Variants in USP32 observed in about 807,000 individuals in gnomAD.
The protein encoded by USP32 is ubiquitin specific peptidase 32, also known as ubiquitin carboxyl-terminal hydrolase 32.
In USP32, 59 loss-of-function variants were observed where a neutral mutation model predicts 204.8. That is an observed-to-expected ratio of 0.29 (90% CI 0.23 to 0.36). The LOEUF (loss-of-function observed/expected upper bound fraction) is 0.36. Ranked by LOEUF, USP32 falls within the 10% of genes least tolerant of loss-of-function variation. The probability of loss-of-function intolerance (pLI) is 1.00; values close to 1 mark genes in which losing one functional copy is unlikely to be tolerated. For missense variants in USP32, 1,160 were observed against 1,946.4 expected, an observed-to-expected ratio of 0.60 and a Z score of 7.60; for synonymous variants, 517 against 678.4, an observed-to-expected ratio of 0.76 and a Z score of 3.70.
At chr17:60,385,075 G>C (rs1322993151) in intron 1 of USP32, among the ~76,000 whole-genome samples, 1 of 152,166 alleles carries the variant, frequency 6.6e-6, no homozygotes, top group South Asian at 2.1e-4. Flanking sequence ...AAGTGAAAAT[G>C]GCAGGTTCCT....
Position 60,177,340 on chromosome 17 carries a change from A to C in USP32, c.*1915T>G, listed in dbSNP as rs1176817099. Among the ~76,000 whole-genome samples, 1 of 152,252 alleles carries C rather than the reference A, an allele frequency of 6.6e-6. No individual in the cohort carries two copies. The highest frequency in any genetic ancestry group is 1.5e-5 in the Non-Finnish European group (1 of 68,042). The stretch of plus-strand genomic sequence containing the variant: ...ATACAGTTCATATTTCGGTACATCA[A>C]CACTATTTTATTTACACTCTATTTA... On this transcript the variant is annotated 3_prime_UTR_variant, in exon 34 of 34. Transcript: ENST00000300896.
chr17:60,370,417 C>T (rs1021530230), intron 1 of USP32, among the ~76,000 whole-genome samples: 1 of 151,914 alleles, frequency 6.6e-6, no homozygotes, highest in Non-Finnish European at 1.5e-5. Flanking sequence ...AATGATAATA[C>T]CAAATGCTGA....
chr17:60,408,787 G>A (rs531034632), intron 1 of USP32, among the ~76,000 whole-genome samples: 3 of 152,276 alleles, frequency 2.0e-5, no homozygotes, highest in East Asian at 3.9e-4. Context: ...AGCATGCAAC[G>A]ATAGGGGGAA....
intron 26 of USP32, among the ~76,000 whole-genome samples, chr17:60,204,035 T>G (rs1197999427): frequency 6.6e-6 from 1 of 152,176 alleles, no homozygotes; most frequent in Non-Finnish European, 1.5e-5. Context: ...TCTTTAACAA[T>G]TATCCACTGA....
At chr17:60,203,396 CAAAAAAAAAA>C (rs554691150) in intron 26 of USP32, among the ~76,000 whole-genome samples, 7 of 24,402 alleles carry the variant, frequency 2.9e-4, no homozygotes, top group African/African-American at 9.5e-4. Flanking sequence ...GCGAGACTGT[CAAAAAAAAAA>C]AAAAAAAAAA....
intron 1 of USP32, among the ~76,000 whole-genome samples, chr17:60,411,295 G>A (rs1453377135): frequency 6.6e-6 from 1 of 151,220 alleles, no homozygotes; most frequent in African/African-American, 2.4e-5. Flanking sequence ...TTGCACTCCA[G>A]CCTGGGCAAT....
At chr17:60,421,940 G>T (rs907935411) in intron 1 of USP32, 1 of 985,360 alleles carries the variant, frequency 1.0e-6, no homozygotes, top group Non-Finnish European at 1.2e-6. Context: ...GGAAGGCCGC[G>T]GGGAGGGTTA....
intron 21 of USP32, among the ~76,000 whole-genome samples, chr17:60,210,238 CTT>C (rs1360911866): frequency 1.3e-5 from 2 of 151,814 alleles, no homozygotes; most frequent in Admixed American, 1.3e-4. Flanking sequence ...ATAATCCTAA[CTT>C]CACTAAAATC....
intron 1 of USP32, among the ~76,000 whole-genome samples, chr17:60,371,295 A>G (rs1367973070): frequency 2.7e-5 from 4 of 150,218 alleles, no homozygotes; most frequent in African/African-American, 9.8e-5. Context: ...GGCCGGGCGC[A>G]GTGGCTCACA....
At chr17:60,230,868 T>C (rs1238846285) in intron 12 of USP32, among the ~76,000 whole-genome samples, 1 of 152,234 alleles carries the variant, frequency 6.6e-6, no homozygotes, top group Admixed American at 6.5e-5. Context: ...TGCAGAATCT[T>C]AGAGTCACTA....
In USP32 at chr17:60,179,180, A is replaced by G. The variant is rs770376590; in HGVS notation, c.*75T>C. ...ACTACATTTAGCTTGCCTTTCAGTG[A>G]CGCTTTTGCCAAATGTCAGCTACAA... On this transcript the variant is annotated 3_prime_UTR_variant, in exon 34 of 34. Transcript: ENST00000300896. 5.2e-5 allele frequency: 78 copies of G among 1,506,114 alleles called. No individual in the cohort carries two copies. In the Middle Eastern group the frequency reaches 5.4e-4, roughly 10 times the overall value. The allele number at this position is 1,506,114 out of a possible 1,614,324, so 93.3% of individuals were successfully genotyped here. A position where few individuals can be genotyped will look rare whatever the true frequency, so the allele number is the denominator to read the frequency against.
chr17:60,322,118 A>T (rs1025499421), intron 2 of USP32, among the ~76,000 whole-genome samples: 1 of 152,146 alleles, frequency 6.6e-6, no homozygotes, highest in Non-Finnish European at 1.5e-5. Context: ...TGTTTAACAT[A>T]AGACTCAACA....
chr17:60,317,253 C>T (rs1398447312), intron 2 of USP32, among the ~76,000 whole-genome samples: 2 of 152,100 alleles, frequency 1.3e-5, no homozygotes, highest in East Asian at 1.9e-4. Context: ...GTGGCTCATG[C>T]CTATAACCCC....
chr17:60,180,847 T>C (rs2084090537), intron 32 of USP32, among the ~76,000 whole-genome samples: 1 of 150,230 alleles, frequency 6.7e-6, no homozygotes, highest in South Asian at 2.1e-4. Flanking sequence ...GGATAAACAA[T>C]CATTTTATAA....
At chr17:60,310,429 G>A (rs1567844957) in intron 2 of USP32, among the ~76,000 whole-genome samples, 1 of 152,130 alleles carries the variant, frequency 6.6e-6, no homozygotes, top group South Asian at 2.1e-4. Flanking sequence ...GGCTGGGTGC[G>A]GTGGTTCACG....
At chr17:60,209,821 T>C (rs1272181738) in intron 21 of USP32, among the ~76,000 whole-genome samples, 1 of 152,206 alleles carries the variant, frequency 6.6e-6, no homozygotes, top group Admixed American at 6.5e-5. Flanking sequence ...GGCACACAGA[T>C]GTTATTTAAG....
At chr17:60,179,509 C>A (rs2084045247) in intron 33 of USP32, 81 bp from the exon 34 acceptor site, 2 of 1,548,454 alleles carry the variant, frequency 1.3e-6, no homozygotes, top group Middle Eastern at 2.4e-4. Context: ...GAAGACCAAC[C>A]CTCTGTAATT....
intron 2 of USP32, among the ~76,000 whole-genome samples, chr17:60,303,762 C>T (rs188864217): frequency 2.6e-4 from 40 of 151,790 alleles, no homozygotes; most frequent in Admixed American, 2.0e-3. Flanking sequence ...TTGTCAGAGA[C>T]GAAGGAAAAA....
intron 2 of USP32, among the ~76,000 whole-genome samples, chr17:60,313,652 C>T (rs2087906425): frequency 6.6e-6 from 1 of 151,836 alleles, no homozygotes; most frequent in Non-Finnish European, 1.5e-5. Flanking sequence ...GAAGAGACAC[C>T]TCATTGAACA....
Sources: allele counts gnomAD v4.1 joint callset (sites outside exome capture counted in the v4.1 genomes callset), GRCh38; gene constraint gnomAD v4.1.1; transcripts MANE v1.5; gene names NCBI Gene and HGNC (gene_info 2026-07-23, HGNC 2026-07-21).